GUCY1A2: variants seen among roughly 807,000 people sequenced by gnomAD.
The protein encoded by GUCY1A2 is guanylate cyclase 1 soluble subunit alpha 2, also known as guanylate cyclase soluble subunit alpha-2.
GUCY1A2 carries 27 observed loss-of-function variants against 63.5 expected under a neutral mutation model. The ratio of observed to expected loss-of-function variants is 0.43; its 90% confidence interval spans 0.31 to 0.59. The LOEUF (loss-of-function observed/expected upper bound fraction) is 0.59, where lower values mean the gene tolerates loss of function less well. Ranked by LOEUF, GUCY1A2 falls within the 20% of genes least tolerant of loss-of-function variation. The pLI is 0.11. For synonymous variants in GUCY1A2, 364 were observed against 343.5 expected, an observed-to-expected ratio of 1.06 and a Z score of -0.66; for missense variants, 768 against 913.3, an observed-to-expected ratio of 0.84 and a Z score of 2.05.
intron 5 of GUCY1A2, among the ~76,000 whole-genome samples, chr11:106,783,987 C>G (rs1303945182): frequency 6.6e-6 from 1 of 152,170 alleles, no homozygotes; most frequent in African/African-American, 2.4e-5. Flanking sequence ...CCAGCTCCAG[C>G]CTTCAGAAAG....
intron 4 of GUCY1A2, among the ~76,000 whole-genome samples, chr11:106,898,841 A>C (rs1178297525): frequency 6.6e-6 from 1 of 152,152 alleles, no homozygotes; most frequent in Non-Finnish European, 1.5e-5. Context: ...CTCTAATTTA[A>C]ACTATGAATT....
At position 106,708,582 on chromosome 11, in the gene GUCY1A2, CATT is replaced by C; in HGVS notation, c.1918_1920del (p.Asn640del). Reference sequence around the variant, plus strand: ...GACTCGAATTTGCTTGCCAGTGTGACATTATTTCCAAACAGGCAATAACGTGGC... The same window carrying C: ...GACTCGAATTTGCTTGCCAGTGTGACATTTCCAAACAGGCAATAACGTGGC... On this transcript the variant is annotated inframe_deletion, in exon 7 of 8. Transcript: ENST00000526355. 1 of 1,613,052 alleles carries C rather than the reference CATT, an allele frequency of 6.2e-7. No individual in the cohort carries two copies. Among genetic ancestry groups the C allele is most frequent in the Non-Finnish European group, 8.5e-7 (1 of 1,179,406 alleles).
At chr11:106,785,399 T>C (rs2135408622) in intron 5 of GUCY1A2, among the ~76,000 whole-genome samples, 1 of 152,198 alleles carries the variant, frequency 6.6e-6, no homozygotes, top group East Asian at 1.9e-4. Flanking sequence ...TTTTCTTTCT[T>C]TTTGTTTGGC....
chr11:106,869,708 G>C (rs1268776900), intron 4 of GUCY1A2, among the ~76,000 whole-genome samples: 2 of 152,092 alleles, frequency 1.3e-5, no homozygotes, highest in Admixed American at 1.3e-4. Flanking sequence ...CGATTCCTCA[G>C]GGATCTAGAG....
chr11:106,871,731 A>G (rs1300945916), intron 4 of GUCY1A2, among the ~76,000 whole-genome samples: 1 of 152,190 alleles, frequency 6.6e-6, no homozygotes, highest in Non-Finnish European at 1.5e-5. Context: ...GCATTAAAAG[A>G]AAAGGTATGT....
intron 4 of GUCY1A2, among the ~76,000 whole-genome samples, chr11:106,846,576 G>A (rs1859276654): frequency 6.6e-6 from 1 of 151,652 alleles, no homozygotes; most frequent in South Asian, 2.1e-4. Context: ...GGGAGTCTAT[G>A]ATGGCTGACA....
chr11:106,979,995 G>A (rs1280110490), intron 2 of GUCY1A2, among the ~76,000 whole-genome samples: 1 of 152,154 alleles, frequency 6.6e-6, no homozygotes, highest in African/African-American at 2.4e-5. Context: ...GGTGAGGGGG[G>A]TCCACAGCTG....
At chr11:106,753,251 T>G (rs1362900963) in intron 6 of GUCY1A2, among the ~76,000 whole-genome samples, 3 of 152,344 alleles carry the variant, frequency 2.0e-5, no homozygotes, top group African/African-American at 7.2e-5. Flanking sequence ...AAGTTCTTTA[T>G]AGATTCTGGA....
At chr11:107,011,009 C>T (rs1214005254) in intron 1 of GUCY1A2, among the ~76,000 whole-genome samples, 1 of 152,158 alleles carries the variant, frequency 6.6e-6, no homozygotes, top group Non-Finnish European at 1.5e-5. Context: ...GGATTACAGG[C>T]GTCAACCACT....
rs183793147 is a variant in GUCY1A2, at chr11:106,985,962, A to G, written c.365+108T>C. The G allele has an allele frequency of 1.7e-5, 12 of 722,638 alleles. 1 individual carries two copies. The East Asian group carries it at 2.0e-4, about 12-fold the overall frequency. 44.8% of individuals were successfully genotyped at this position (722,638 alleles called of 1,614,324 possible). ...CCCACACTATGAAAACATAGCCACTATAAAATCAGGTTGACCTGGGTAGCA... is the reference window on the plus strand; with the variant it reads ...CCCACACTATGAAAACATAGCCACTGTAAAATCAGGTTGACCTGGGTAGCA... On this transcript the variant is annotated intron_variant, in intron 2 of 7. Coordinates refer to ENST00000526355, the MANE Select transcript of GUCY1A2 (RefSeq NM_000855.3).
intron 4 of GUCY1A2, among the ~76,000 whole-genome samples, chr11:106,836,625 C>T (rs1238338342): frequency 6.6e-6 from 1 of 151,990 alleles, no homozygotes; most frequent in Non-Finnish European, 1.5e-5. Context: ...GCACTAAACA[C>T]TGTAAAAAAT....
intron 2 of GUCY1A2, among the ~76,000 whole-genome samples, chr11:106,982,682 C>T (rs551336235): frequency 3.3e-5 from 5 of 152,034 alleles, no homozygotes; most frequent in South Asian, 2.1e-4. Context: ...AAGAATAAGC[C>T]GTGCAAACAT....
chr11:106,909,451 C>G (rs1249719622), intron 4 of GUCY1A2, among the ~76,000 whole-genome samples: 1 of 147,424 alleles, frequency 6.8e-6, no homozygotes, highest in African/African-American at 2.5e-5. Context: ...CCACCATAAT[C>G]AAGAGACAGA....
At chr11:106,734,638 A>G (rs1013131693) in intron 6 of GUCY1A2, among the ~76,000 whole-genome samples, 2 of 152,156 alleles carry the variant, frequency 1.3e-5, no homozygotes, top group Non-Finnish European at 2.9e-5. Context: ...ATATAAGCAC[A>G]ATAATGCTGT....
chr11:106,695,012 T>C (rs1862692511), intron 7 of GUCY1A2, among the ~76,000 whole-genome samples: 1 of 152,192 alleles, frequency 6.6e-6, no homozygotes, highest in Non-Finnish European at 1.5e-5. Flanking sequence ...TGTGCATGCA[T>C]GTGTGCATGT....
At chr11:106,982,018 T>A (rs1200702447) in intron 2 of GUCY1A2, among the ~76,000 whole-genome samples, 1 of 152,196 alleles carries the variant, frequency 6.6e-6, no homozygotes, top group African/African-American at 2.4e-5. Context: ...TTTATGTGAT[T>A]ATATGACTTC....
At chr11:106,938,150 G>C (rs936523961) in intron 4 of GUCY1A2, among the ~76,000 whole-genome samples, 1 of 152,052 alleles carries the variant, frequency 6.6e-6, no homozygotes, top group African/African-American at 2.4e-5. Context: ...ATGTTGGCCA[G>C]GCTGGTCTCA....
chr11:106,949,585 T>C (rs1219973390), intron 3 of GUCY1A2, among the ~76,000 whole-genome samples: 1 of 152,192 alleles, frequency 6.6e-6, no homozygotes, highest in African/African-American at 2.4e-5. Flanking sequence ...TAGATGTCTC[T>C]ACTTGTTAGG....
chr11:106,766,794 T>C (rs1296343213), intron 6 of GUCY1A2, among the ~76,000 whole-genome samples: 1 of 152,016 alleles, frequency 6.6e-6, no homozygotes. Flanking sequence ...CATATAGGCT[T>C]AAAAGAGACT....
Sources: allele counts gnomAD v4.1 joint callset (sites outside exome capture counted in the v4.1 genomes callset), GRCh38; gene constraint gnomAD v4.1.1; transcripts MANE v1.5; gene names NCBI Gene and HGNC (gene_info 2026-07-23, HGNC 2026-07-21).